The following SUPT3H variants were observed in gnomAD, a reference collection of about 807,000 sequenced individuals.
SUPT3H encodes SPT3 homolog, SAGA and STAGA complex component.
SUPT3H carries 44 observed loss-of-function variants against 44.3 expected under a neutral mutation model. That is an observed-to-expected ratio of 0.99 (90% CI 0.78 to 1.28). SUPT3H has a LOEUF of 1.28. Ranked by LOEUF, SUPT3H falls within the 50% of genes most tolerant of loss-of-function variation. The pLI is 0.00. For missense variants in SUPT3H, 380 were observed against 387.1 expected (o/e 0.98, Z 0.15); for synonymous variants, 124 against 125.6 (o/e 0.99, Z 0.09).
intron 10 of SUPT3H, among the ~76,000 whole-genome samples, chr6:44,885,032 T>C (rs1778921599): frequency 1.3e-5 from 2 of 152,002 alleles, no homozygotes; most frequent in African/African-American, 4.8e-5. Flanking sequence ...CAGTCTGAAA[T>C]CAAACTGCAA....
At chr6:45,315,705 T>C (rs1318000092) in intron 2 of SUPT3H, among the ~76,000 whole-genome samples, 1 of 152,122 alleles carries the variant, frequency 6.6e-6, no homozygotes, top group Non-Finnish European at 1.5e-5. Flanking sequence ...CAAGCTGCTA[T>C]GGAAAACAGT....
At position 44,926,938 on chromosome 6, in the gene SUPT3H, A is replaced by C. The variant is rs535736566; in HGVS notation, c.912+5715T>G. ...ATTATGAAGTCATTCATGTTTTCTA[A>C]GAATTATTTTGGTAAGATTATCAGG... On this transcript the variant is annotated intron_variant, in intron 10 of 10. Coordinates refer to ENST00000371459, the MANE Select transcript of SUPT3H (RefSeq NM_003599.4). 1.9e-3 allele frequency among the ~76,000 whole-genome samples: 284 copies of C among 152,328 alleles called. 1 individual carries two copies. Among genetic ancestry groups the C allele is most frequent in the African/African-American group, 6.3e-3 (263 of 41,584 alleles).
chr6:45,138,290 G>A (rs905413577), intron 2 of SUPT3H, among the ~76,000 whole-genome samples: 2 of 152,042 alleles, frequency 1.3e-5, no homozygotes, highest in Non-Finnish European at 2.9e-5. Flanking sequence ...AGAACAGTTG[G>A]ACATTTTCTT....
chr6:45,056,357 T>G (rs1263755728), intron 3 of SUPT3H, among the ~76,000 whole-genome samples: 1 of 152,100 alleles, frequency 6.6e-6, no homozygotes, highest in Non-Finnish European at 1.5e-5. Context: ...AATAAGTCAT[T>G]ATATGAAAAA....
chr6:45,326,513 C>T (rs984088484), intron 2 of SUPT3H, among the ~76,000 whole-genome samples: 1 of 151,890 alleles, frequency 6.6e-6, no homozygotes, highest in African/African-American at 2.4e-5. Context: ...AATGTAAAAT[C>T]TGTTTACACA....
Position 44,968,223 on chromosome 6 carries a change from T to C in SUPT3H, c.505-6395A>G, listed in dbSNP as rs535071503. Among the ~76,000 whole-genome samples the C allele has an allele frequency of 2.6e-5, 4 of 152,310 alleles. No individual in the cohort carries two copies. In the East Asian group the frequency reaches 7.7e-4, roughly 29 times the overall value. On this transcript the variant is annotated intron_variant, in intron 6 of 10. Coordinates refer to ENST00000371459, the MANE Select transcript of SUPT3H (RefSeq NM_003599.4). ...AATCTACCAACAATCTCATGTTCAATAGGCATTGGTTGTTGAACTTGAAAA... is the reference window on the plus strand; with the variant it reads ...AATCTACCAACAATCTCATGTTCAACAGGCATTGGTTGTTGAACTTGAAAA...
intron 9 of SUPT3H, among the ~76,000 whole-genome samples, chr6:44,937,900 CTTTTTTTTTTTTTT>C (rs746279156): frequency 1.0e-4 from 6 of 59,060 alleles, no homozygotes; most frequent in African/African-American, 1.5e-4. Context: ...TGCTCACTAT[CTTTTTTTTTTTTTT>C]TTTTTTTTTT....
intron 2 of SUPT3H, among the ~76,000 whole-genome samples, chr6:45,146,562 C>T (rs1401778441): frequency 6.6e-6 from 1 of 152,080 alleles, no homozygotes; most frequent in Admixed American, 6.6e-5. Flanking sequence ...ACCACCTGTT[C>T]CCCACAAACT....
intron 2 of SUPT3H, among the ~76,000 whole-genome samples, chr6:45,221,244 G>C (rs1740524768): frequency 6.6e-6 from 1 of 152,078 alleles, no homozygotes; most frequent in Non-Finnish European, 1.5e-5. Flanking sequence ...CATGCGGGAG[G>C]GATAGCATTA....
intron 2 of SUPT3H, among the ~76,000 whole-genome samples, chr6:45,224,554 TG>T: frequency 6.6e-6 from 1 of 151,992 alleles, no homozygotes; most frequent in East Asian, 1.9e-4. Flanking sequence ...TATACCCAAC[TG>T]GATCAAGAGG....
chr6:45,189,264 C>A (rs1814762617), intron 2 of SUPT3H, among the ~76,000 whole-genome samples: 1 of 152,204 alleles, frequency 6.6e-6, no homozygotes, highest in African/African-American at 2.4e-5. Flanking sequence ...TAGTGTATCA[C>A]TTAGTGTTAT....
rs1768217635 is a variant in SUPT3H, at chr6:44,829,389, T to C, written c.*427A>G. The C allele has an allele frequency of 6.4e-6, 1 of 156,030 alleles. No homozygotes were observed. Among genetic ancestry groups the C allele is most frequent in the Non-Finnish European group, 1.4e-5 (1 of 70,812 alleles). 9.7% of individuals were successfully genotyped at this position (156,030 alleles called of 1,614,324 possible). A position where few individuals can be genotyped will look rare whatever the true frequency, so the allele number is the denominator to read the frequency against. On this transcript the variant is annotated 3_prime_UTR_variant, in exon 11 of 11. Transcript: ENST00000371459. ...ATGTTGGAAAGTAAAGTTGGTGGTG[T>C]AAGGGAAGGCGAAAACTCACTGTCC...
At chr6:44,874,968 A>C (rs1376115261) in intron 10 of SUPT3H, among the ~76,000 whole-genome samples, 1 of 113,188 alleles carries the variant, frequency 8.8e-6, no homozygotes, top group Non-Finnish European at 1.8e-5. Flanking sequence ...CTCTTCAAGG[A>C]GAACTACAAA....
chr6:45,228,641 A>G (rs1298319629), intron 2 of SUPT3H, among the ~76,000 whole-genome samples: 3 of 152,074 alleles, frequency 2.0e-5, no homozygotes, highest in African/African-American at 4.8e-5. Flanking sequence ...CCTTCTAAAA[A>G]TAAAAATAAA....
At chr6:44,981,145 C>G (rs1779041109) in intron 6 of SUPT3H, among the ~76,000 whole-genome samples, 2 of 152,162 alleles carry the variant, frequency 1.3e-5, no homozygotes, top group Non-Finnish European at 2.9e-5. Context: ...AGCTGCTATC[C>G]ATCTCAAACT....
chr6:45,034,638 T>TA (rs1216066122), intron 3 of SUPT3H, among the ~76,000 whole-genome samples: 3 of 118,720 alleles, frequency 2.5e-5, no homozygotes, highest in African/African-American at 8.0e-5. Context: ...TTCAGAGACT[T>TA]AATTTAAGAA....
At chr6:45,343,217 T>C (rs914192211) in intron 2 of SUPT3H, among the ~76,000 whole-genome samples, 1 of 152,130 alleles carries the variant, frequency 6.6e-6, no homozygotes, top group Non-Finnish European at 1.5e-5. Flanking sequence ...TTGTTAAAAA[T>C]GCAGAATCTC....
At chr6:44,950,113 T>A (rs555052178) in intron 9 of SUPT3H, among the ~76,000 whole-genome samples, 41 of 152,342 alleles carry the variant, frequency 2.7e-4, no homozygotes, top group Admixed American at 2.2e-3. Flanking sequence ...TACTTTTAAA[T>A]AGTTGAAGAC....
chr6:45,205,345 A>G (rs1362362536), intron 2 of SUPT3H, among the ~76,000 whole-genome samples: 1 of 152,176 alleles, frequency 6.6e-6, no homozygotes, highest in Non-Finnish European at 1.5e-5. Context: ...GCACTATTGG[A>G]ATGATCTTTA....
Sources: gnomAD v4.1 joint callset for allele counts (sites outside exome capture counted in the v4.1 genomes callset) on GRCh38, gnomAD v4.1.1 for gene constraint, MANE v1.5 for transcripts, NCBI Gene and HGNC (gene_info 2026-07-23, HGNC 2026-07-21) for gene names.